The following MYO18B variants were observed in gnomAD, a reference collection of about 807,000 sequenced individuals.
MYO18B encodes the protein unconventional myosin-XVIIIb.
Under a neutral mutation model 273.0 loss-of-function variants are expected in MYO18B, and 204 were observed. The observed-to-expected ratio is 0.75, with a 90% CI of 0.67 to 0.84. The LOEUF (loss-of-function observed/expected upper bound fraction) is 0.84. MYO18B is among the 40% of genes least tolerant of loss of function. The pLI, the probability that MYO18B is intolerant of heterozygous loss-of-function variation, is 0.00. For synonymous variants in MYO18B, 1,330 were observed against 1,305.7 expected, an observed-to-expected ratio of 1.02 and a Z score of -0.40; for missense variants, 3,212 against 3,287.6, an observed-to-expected ratio of 0.98 and a Z score of 0.56.
intron 31 of MYO18B, among the ~76,000 whole-genome samples, chr22:25,907,322 C>G (rs200536819): frequency 6.6e-6 from 1 of 152,196 alleles, no homozygotes; most frequent in African/African-American, 2.4e-5. Context: ...ACATTATGCA[C>G]GGCTCTATGC....
At position 25,763,249 on chromosome 22, in the gene MYO18B, A is replaced by C. The variant is rs1312733284; in HGVS notation, c.58A>C (p.Ser20Arg). ...WEQKIREEDK[S>R]PPPSSPPPLF... is the part of the protein sequence containing the mutation. ...AAAACAGATTCGGGAAGAGGACAAGAGCCCTCCACCATCCTCGCCCCCTCC... is the reference window on the plus strand; with the variant it reads ...AAAACAGATTCGGGAAGAGGACAAGCGCCCTCCACCATCCTCGCCCCCTCC... Residue 20 changes from serine (S) to arginine (R), a missense_variant, in exon 3 of 44, where the codon AGC becomes CGC. Ser to Arg is a moderately radical substitution (Grantham distance 110, BLOSUM62 -1). Coordinates refer to ENST00000335473, the MANE Select transcript of MYO18B (RefSeq NM_032608.7). 12 of 1,609,972 alleles carry C rather than the reference A, an allele frequency of 7.5e-6. No individual in the cohort carries two copies. Among genetic ancestry groups the C allele is most frequent in the Non-Finnish European group, 1.0e-5 (12 of 1,177,528 alleles).
At chr22:25,865,872 A>C (rs1195130064) in intron 21 of MYO18B, among the ~76,000 whole-genome samples, 1 of 151,428 alleles carries the variant, frequency 6.6e-6, no homozygotes, top group Non-Finnish European at 1.5e-5. Flanking sequence ...TTTTCTTCTT[A>C]TGTAGAGAAA....
chr22:25,804,666 G>C (rs1483446524), intron 12 of MYO18B, among the ~76,000 whole-genome samples: 1 of 152,228 alleles, frequency 6.6e-6, no homozygotes, highest in African/African-American at 2.4e-5. Context: ...TTTGGCACAA[G>C]CCAGGTGGGC....
intron 12 of MYO18B, among the ~76,000 whole-genome samples, chr22:25,821,352 A>G (rs1254254414): frequency 6.7e-6 from 1 of 148,318 alleles, no homozygotes; most frequent in Non-Finnish European, 1.5e-5. Flanking sequence ...TTGTCACCCC[A>G]TCCTACTGGA....
chr22:25,981,566 C>T (rs1321608791), intron 39 of MYO18B, among the ~76,000 whole-genome samples: 2 of 152,066 alleles, frequency 1.3e-5, no homozygotes, highest in Non-Finnish European at 2.9e-5. Flanking sequence ...ACAGTAAGAC[C>T]CCATCTCTAC....
At chr22:25,765,193 G>A (rs562546229) in intron 3 of MYO18B, among the ~76,000 whole-genome samples, 3 of 152,330 alleles carry the variant, frequency 2.0e-5, no homozygotes, top group Admixed American at 2.0e-4. Context: ...TCAGCCCACA[G>A]CAGGTGGCTG....
intron 11 of MYO18B, among the ~76,000 whole-genome samples, chr22:25,790,689 A>G (rs1001144272): frequency 6.6e-6 from 1 of 152,124 alleles, no homozygotes; most frequent in African/African-American, 2.4e-5. Context: ...CATCTTTTCA[A>G]TTTTCGAATC....
At chr22:25,785,561 G>A (rs764997535) in intron 11 of MYO18B, 70 bp downstream of exon 11, 43 of 1,497,340 alleles carry the variant, frequency 2.9e-5, no homozygotes, top group African/African-American at 5.5e-5. Flanking sequence ...GTGATGAGTC[G>A]CCGTGCAACT....
In MYO18B at chr22:25,798,088, G is replaced by T; in HGVS notation, c.2512G>T (p.Ala838Ser). The T allele has an allele frequency of 1.9e-6, 3 of 1,607,162 alleles. No individual in the cohort carries two copies. Among genetic ancestry groups the T allele is most frequent in the Non-Finnish European group, 2.6e-6 (3 of 1,174,622 alleles). Residue 838 changes from alanine (A) to serine (S), a missense_variant, in exon 12 of 44, where the codon GCC (alanine) becomes TCC (serine). Ala to Ser is a moderately conservative substitution (Grantham distance 99). Coordinates refer to ENST00000335473, the MANE Select transcript of MYO18B (RefSeq NM_032608.7). ...CATCTACCACCTGGGTGCGGCGGGG[G>T]CCTGCAAAGGTACGTCCTTCCTGCC... is the stretch of plus-strand genomic sequence containing the variant. Reference protein sequence around the residue: ...AAIYHLGAAGACKVGRKQFMR... With the variant: ...AAIYHLGAAGSCKVGRKQFMR...
At chr22:25,969,126 C>T (rs932752254) in intron 39 of MYO18B, among the ~76,000 whole-genome samples, 9 of 152,192 alleles carry the variant, frequency 5.9e-5, no homozygotes, top group Non-Finnish European at 1.2e-4. Context: ...ACCTCCCCTT[C>T]TCCATCCCAT....
chr22:25,876,078 G>C, intron 23 of MYO18B, 111 bp from the exon 24 acceptor site: 1 of 941,450 alleles, frequency 1.1e-6, no homozygotes. Flanking sequence ...CCTTCCACCG[G>C]GAAATAACCC....
chr22:25,746,600 C>T (rs1004020129), intron 1 of MYO18B, among the ~76,000 whole-genome samples: 3 of 152,218 alleles, frequency 2.0e-5, no homozygotes, highest in Admixed American at 6.5e-5. Context: ...TTGGCAGGCA[C>T]AATCACCACT....
chr22:26,036,848 T>C, the MYO18B span, among the ~76,000 whole-genome samples: 8 of 152,324 alleles, frequency 5.3e-5, no homozygotes, highest in East Asian at 1.5e-3. Context: ...CTGTGGCTGA[T>C]GGTGATCAAT....
At chr22:25,826,777 T>C (rs1015977514) in intron 14 of MYO18B, among the ~76,000 whole-genome samples, 5 of 152,196 alleles carry the variant, frequency 3.3e-5, no homozygotes, top group African/African-American at 4.8e-5. Flanking sequence ...TAACTCTTCC[T>C]GGCCAAGCGT....
At chr22:25,787,751 C>T (rs1284618176) in intron 11 of MYO18B, among the ~76,000 whole-genome samples, 3 of 152,102 alleles carry the variant, frequency 2.0e-5, no homozygotes, top group Admixed American at 2.0e-4. Flanking sequence ...GGGGCAGCTT[C>T]TTTACTTGGG....
At chr22:25,914,820 C>T (rs892792337) in intron 33 of MYO18B, among the ~76,000 whole-genome samples, 3 of 150,656 alleles carry the variant, frequency 2.0e-5, no homozygotes, top group African/African-American at 7.3e-5. Flanking sequence ...CCTCAGCCTC[C>T]CGAGTAACTG....
At position 25,959,990 on chromosome 22, in the gene MYO18B, G is replaced by A. The variant is rs552228087; in HGVS notation, c.6156+4626G>A. 5.3e-5 allele frequency among the ~76,000 whole-genome samples: 8 copies of A among 152,252 alleles called. No homozygotes were observed. In the South Asian group the frequency reaches 6.2e-4, roughly 12 times the overall value. ...GGATCTCCTGTCCACAATCCTTTCC[G>A]CCCGTCCCCAACCTGTACTATTTGT... On this transcript the variant is annotated intron_variant, in intron 39 of 43. Coordinates refer to ENST00000335473, the MANE Select transcript of MYO18B (RefSeq NM_032608.7).
chr22:25,945,678 G>A (rs186469197), intron 34 of MYO18B, among the ~76,000 whole-genome samples: 2,090 of 146,074 alleles, frequency 0.014, 39 homozygotes, highest in African/African-American at 0.049. Flanking sequence ...TCATGAGGAG[G>A]CCTCTCCTCT....
At position 25,785,543 on chromosome 22, in the gene MYO18B, A is replaced by G. The variant is rs1161966482; in HGVS notation, c.2376+52A>G. 8.9e-6 allele frequency: 14 copies of G among 1,570,040 alleles called. No individual in the cohort carries two copies. In the South Asian group the frequency reaches 1.2e-4, roughly 13 times the overall value. ...GATGTGAGTCTGTGTCTGGGGCTAG[A>G]TGGGAGGGTGATGAGTCGCCGTGCA... On this transcript the variant is annotated intron_variant, in intron 11 of 43. Transcript: ENST00000335473.
Sources: gnomAD v4.1 joint callset for allele counts (sites outside exome capture counted in the v4.1 genomes callset) on GRCh38, gnomAD v4.1.1 for gene constraint, MANE v1.5 for transcripts, NCBI Gene and HGNC (gene_info 2026-07-23, HGNC 2026-07-21) for gene names.